CPNE2: variants seen among roughly 807,000 people sequenced by gnomAD.
CPNE2 encodes copine-2.
CPNE2 carries 42 observed loss-of-function variants against 69.7 expected under a neutral mutation model. That is an observed-to-expected ratio of 0.60 (90% CI 0.47 to 0.78). The LOEUF (loss-of-function observed/expected upper bound fraction) is 0.78, where lower values mean the gene tolerates loss of function less well. CPNE2 is among the 30% of genes least tolerant of loss of function. The pLI, the probability that CPNE2 is intolerant of heterozygous loss-of-function variation, is 0.00. For synonymous variants in CPNE2, 294 were observed against 289.8 expected (o/e 1.01, Z -0.15); for missense variants, 587 against 732.0 (o/e 0.80, Z 2.29).
At chr16:57,123,906 G>A (rs1229896323) in intron 10 of CPNE2, 2 of 200,882 alleles carry the variant, frequency 1.0e-5, no homozygotes. Flanking sequence ...TGTTCCTTCT[G>A]CATTTGTTGT....
chr16:57,115,378 G>A, intron 3 of CPNE2, 98 bp from the exon 4 acceptor site: 1 of 977,180 alleles, frequency 1.0e-6, no homozygotes, highest in Non-Finnish European at 1.6e-6. Flanking sequence ...GCGGGGTGCA[G>A]CCCTGCCAAG....
intron 4 of CPNE2, among the ~76,000 whole-genome samples, chr16:57,115,918 T>G (rs1487374792): frequency 1.3e-5 from 2 of 152,254 alleles, no homozygotes; most frequent in East Asian, 3.9e-4. Flanking sequence ...CCGCTGGAGA[T>G]GCACAGGCCC....
At chr16:57,132,890 G>GC (rs1238553653) in intron 12 of CPNE2, among the ~76,000 whole-genome samples, 2 of 152,030 alleles carry the variant, frequency 1.3e-5, no homozygotes, top group Admixed American at 6.6e-5. Context: ...ACCTTCCACA[G>GC]CCCCCCTGAC....
intron 10 of CPNE2, 44 bp downstream of exon 10, chr16:57,123,517 G>A: frequency 6.2e-7 from 1 of 1,600,176 alleles, no homozygotes; most frequent in Non-Finnish European, 8.5e-7. Context: ...CCATCCCAGT[G>A]AGGGTCCTCC....
intron 1 of CPNE2, among the ~76,000 whole-genome samples, chr16:57,107,134 C>T (rs2069653040): frequency 2.0e-5 from 3 of 152,202 alleles, no homozygotes; most frequent in South Asian, 4.1e-4. Context: ...CTTTGGACAT[C>T]CCTGTCTGCC....
At chr16:57,138,421 G>A (rs735046) in intron 14 of CPNE2, among the ~76,000 whole-genome samples, 123,913 of 152,012 alleles carry the variant, frequency 0.82, 51,008 homozygotes, top group Non-Finnish European at 0.88. Context: ...AGATCCAGCC[G>A]CTGCCCTGCC....
At chr16:57,097,589 C>G (rs112567553) in intron 1 of CPNE2, among the ~76,000 whole-genome samples, 2 of 152,186 alleles carry the variant, frequency 1.3e-5, no homozygotes, top group African/African-American at 4.8e-5. Flanking sequence ...GAAACTGAGG[C>G]TAGAGAGGTT....
intron 12 of CPNE2, 37 bp from the exon 13 acceptor site, chr16:57,134,738 C>T (rs200320606): frequency 4.4e-5 from 71 of 1,612,150 alleles, no homozygotes; most frequent in East Asian, 2.2e-5. Flanking sequence ...GGTTTGGGGG[C>T]GGGAGGCTGC....
intron 14 of CPNE2, among the ~76,000 whole-genome samples, chr16:57,140,145 G>T (rs188523158): frequency 6.6e-6 from 1 of 152,224 alleles, no homozygotes; most frequent in Admixed American, 6.5e-5. Flanking sequence ...CTTATGGAAT[G>T]GAATGTTTCC....
intron 12 of CPNE2, among the ~76,000 whole-genome samples, chr16:57,131,148 T>A (rs4784774): frequency 0.7 from 106,973 of 152,170 alleles, 38,359 homozygotes; most frequent in African/African-American, 0.83. Context: ...AACTGGGCAG[T>A]TGGACTCTAA....
chr16:57,146,102 C>T lies in CPNE2; in HGVS notation c.1320C>T (p.Leu440=), dbSNP rs777850279. Residue 440 remains leucine, a synonymous_variant, in exon 15 of 16, where the codon CTC becomes CTT. Coordinates refer to ENST00000290776, the MANE Select transcript of CPNE2 (RefSeq NM_152727.6). This position sits in a 1 kb window ranked among gnomAD's most constrained non-coding sequence, Gnocchi z 4.4. ...QRTATQYFIL[L]IITDGVISDM... ...CCCTGCAGCAGTACTTCATCCTCCTCATCATCACGGACGGGGTCATCAGTG... is the reference window on the plus strand; with the variant it reads ...CCCTGCAGCAGTACTTCATCCTCCTTATCATCACGGACGGGGTCATCAGTG... The T allele has an allele frequency of 5.0e-6, 8 of 1,604,172 alleles. No individual in the cohort carries two copies. Among genetic ancestry groups the T allele is most frequent in the South Asian group, 2.2e-5 (2 of 89,128 alleles).
intron 4 of CPNE2, 42 bp downstream of exon 4, chr16:57,115,592 AC>A: frequency 1.9e-6 from 2 of 1,049,110 alleles, no homozygotes; most frequent in Admixed American, 2.8e-5. Context: ...CTCCATCCCC[AC>A]CCCACACCCT....
At chr16:57,101,271 T>C (rs2069611633) in intron 1 of CPNE2, among the ~76,000 whole-genome samples, 1 of 152,220 alleles carries the variant, frequency 6.6e-6, no homozygotes, top group African/African-American at 2.4e-5. Context: ...AGATATCCTA[T>C]TGGTTCTGTT....
intron 3 of CPNE2, among the ~76,000 whole-genome samples, 156 bp downstream of exon 3, chr16:57,113,623 G>A (rs1305901968): frequency 1.3e-5 from 2 of 152,240 alleles, no homozygotes; most frequent in Admixed American, 6.5e-5. Flanking sequence ...GTTCAAGGCC[G>A]GGCTGAAGAG....
intron 1 of CPNE2, among the ~76,000 whole-genome samples, chr16:57,107,296 G>A (rs749104435): frequency 2.0e-5 from 3 of 152,234 alleles, no homozygotes; most frequent in Admixed American, 6.5e-5. Flanking sequence ...CTCTGAGCTC[G>A]TGTGATTATA....
chr16:57,125,490 A>G (rs4784772), intron 10 of CPNE2: 243,116 of 394,132 alleles, frequency 0.62, 76,077 homozygotes, highest in Admixed American at 0.75. Context: ...GCAAAGTTAG[A>G]CGGGAAGAAA....
chr16:57,134,708 T>C, intron 12 of CPNE2, 67 bp from the exon 13 acceptor site: 4 of 1,574,514 alleles, frequency 2.5e-6, no homozygotes, highest in Non-Finnish European at 3.5e-6. Flanking sequence ...GGCCTGGCAG[T>C]GGGTGGTGGC....
At chr16:57,119,325 C>A (rs372276817) in intron 6 of CPNE2, 47 bp downstream of exon 6, 3 of 1,570,446 alleles carry the variant, frequency 1.9e-6, no homozygotes, top group Non-Finnish European at 2.6e-6. Flanking sequence ...GGCCTGCAGT[C>A]CAGCCCCTCC....
At chr16:57,144,148 G>A (rs759520495) in intron 14 of CPNE2, 2 of 152,282 alleles carry the variant, frequency 1.3e-5, no homozygotes, top group African/African-American at 2.4e-5. Context: ...TCACAGCCAG[G>A]GATGGGGGGC....
Sources: allele counts gnomAD v4.1 joint callset (sites outside exome capture counted in the v4.1 genomes callset), GRCh38; gene constraint gnomAD v4.1.1; non-coding constraint Gnocchi (gnomAD v3.1); transcripts MANE v1.5; gene names NCBI Gene and HGNC (gene_info 2026-07-23, HGNC 2026-07-21).